The following ZNF532 variants were observed in gnomAD, a reference collection of about 807,000 sequenced individuals.
ZNF532 encodes zinc finger protein 532.
A neutral mutation model predicts 89.3 loss-of-function variants in ZNF532; 22 were observed. The observed-to-expected ratio is 0.25, with a 90% CI of 0.18 to 0.35. ZNF532 has a LOEUF of 0.35. Among genes scored for constraint, ZNF532 ranks in the 10% least tolerant of loss-of-function variants. The probability of loss-of-function intolerance (pLI) is 1.00; values close to 1 mark genes in which losing one functional copy is unlikely to be tolerated. For missense variants in ZNF532, 1,132 were observed against 1,643.4 expected (o/e 0.69, Z 5.38); for synonymous variants, 606 against 649.6 (o/e 0.93, Z 1.02).
At position 58,903,549 on chromosome 18, in the gene ZNF532, G is replaced by A. The variant is rs553652163; in HGVS notation, c.-17-14722G>A. 1.8e-3 allele frequency among the ~76,000 whole-genome samples: 268 copies of A among 152,278 alleles called. 1 individual carries two copies. Among genetic ancestry groups the A allele is most frequent in the Non-Finnish European group, 2.3e-3 (158 of 68,024 alleles). On this transcript the variant is annotated intron_variant, in intron 2 of 9. Transcript: ENST00000591808. ...AGATGGTCAAAATAGAGGACCGACA[G>A]CGATTATAAAGAGAATGAGGGCGCA...
intron 4 of ZNF532, 49 bp downstream of exon 4, chr18:58,934,663 C>T (rs367613308): frequency 3.2e-6 from 5 of 1,557,794 alleles, no homozygotes; most frequent in Non-Finnish European, 2.6e-6. Flanking sequence ...TCACTTACAA[C>T]CGCACAGCAT....
intron 2 of ZNF532, among the ~76,000 whole-genome samples, chr18:58,869,704 T>C (rs1442080778): frequency 1.3e-5 from 2 of 151,694 alleles, no homozygotes; most frequent in East Asian, 3.9e-4. Flanking sequence ...CAATATTCAG[T>C]GAAAGCAGTG....
At chr18:58,942,153 G>C (rs887284279) in intron 5 of ZNF532, among the ~76,000 whole-genome samples, 2 of 151,048 alleles carry the variant, frequency 1.3e-5, no homozygotes, top group Non-Finnish European at 2.9e-5. Context: ...CTCCTGAGTA[G>C]CTGGGACTAC....
intron 7 of ZNF532, among the ~76,000 whole-genome samples, chr18:58,956,634 G>GCTCGCCTATATCTTTCCTTCCCATTTACC (rs2064806351): frequency 6.6e-6 from 1 of 152,160 alleles, no homozygotes; most frequent in Non-Finnish European, 1.5e-5. Flanking sequence ...CGAGCACCTT[G>GCTCGCCTATATCTTTCCTTCCCATTTACC]CTGTCTATAT....
intron 2 of ZNF532, among the ~76,000 whole-genome samples, chr18:58,894,270 G>C (rs553083396): frequency 1.3e-5 from 2 of 152,068 alleles, no homozygotes; most frequent in African/African-American, 4.8e-5. Context: ...TTTGAGACCA[G>C]CCCGGCTAAC....
chr18:58,930,572 G>A (rs1199935617), intron 3 of ZNF532, among the ~76,000 whole-genome samples: 2 of 148,336 alleles, frequency 1.3e-5, no homozygotes, highest in African/African-American at 5.0e-5. Context: ...AGGTTGCAGT[G>A]AGCTGAGATT....
intron 2 of ZNF532, among the ~76,000 whole-genome samples, chr18:58,871,678 G>A (rs1568207137): frequency 6.6e-6 from 1 of 152,236 alleles, no homozygotes; most frequent in East Asian, 1.9e-4. Context: ...GGTGATAGCT[G>A]ATGACTGCCA....
chr18:58,899,798 A>C (rs372835150), intron 2 of ZNF532, among the ~76,000 whole-genome samples: 5 of 152,206 alleles, frequency 3.3e-5, no homozygotes, highest in African/African-American at 9.7e-5. Context: ...ATGTTGGACC[A>C]GCTGTATTGA....
chr18:58,984,390 C>T lies in ZNF532; in HGVS notation c.3830C>T (p.Ala1277Val). 6.2e-7 allele frequency: 1 copy of T among 1,612,014 alleles called. No individual in the cohort carries two copies. Residue 1277 changes from alanine (A) to valine (V), a missense_variant, in exon 10 of 10, where the codon GCT becomes GTT. Transcript: ENST00000591808. The part of the protein sequence containing the change: ...KVCAKTFETE[A>V]ALNTHMRTHG... ...TGCGCAAAAACTTTTGAAACTGAAG[C>T]TGCCTTAAATACTCACATGCGGACA...
chr18:58,942,344 TCCCTC>T lies in ZNF532; in HGVS notation c.2705+2726_2705+2730del, dbSNP rs1568383126. Among the ~76,000 whole-genome samples the T allele has an allele frequency of 3.5e-4, 14 of 39,564 alleles. 1 individual carries two copies. The highest frequency in any genetic ancestry group is 2.3e-3 in the South Asian group (2 of 852). 26.0% of individuals were successfully genotyped at this position (39,564 alleles called of 152,430 possible). A position where few individuals can be genotyped will look rare whatever the true frequency, so the allele number is the denominator to read the frequency against. ...GCCCCTCCCTCCCTCCCTCCCTCCC[TCCCTC>T]CCTTCCTTCCTTCCTTCCTTCCTTC... On this transcript the variant is annotated intron_variant, in intron 5 of 9. Coordinates refer to ENST00000591808, the MANE Select transcript of ZNF532 (RefSeq NM_001375912.1).
At chr18:58,929,702 A>G (rs759361669) in intron 3 of ZNF532, among the ~76,000 whole-genome samples, 1 of 152,132 alleles carries the variant, frequency 6.6e-6, no homozygotes, top group East Asian at 1.9e-4. Flanking sequence ...CTTATTAGGG[A>G]TTTTTTTGCG....
chr18:58,972,319 C>T (rs1365387496), intron 7 of ZNF532, among the ~76,000 whole-genome samples: 2 of 152,186 alleles, frequency 1.3e-5, no homozygotes, highest in Non-Finnish European at 2.9e-5. Flanking sequence ...TATAAATACA[C>T]ATCAGTGTGT....
At chr18:58,868,843 C>G (rs1238961553) in intron 2 of ZNF532, among the ~76,000 whole-genome samples, 1 of 152,174 alleles carries the variant, frequency 6.6e-6, no homozygotes, top group Non-Finnish European at 1.5e-5. Context: ...AGAAATGTAT[C>G]ATTAGACAGT....
intron 9 of ZNF532, 124 bp downstream of exon 9, chr18:58,981,741 G>A (rs906911291): frequency 1.7e-5 from 22 of 1,294,404 alleles, no homozygotes; most frequent in Middle Eastern, 1.9e-4. Context: ...GGCTGGGTGC[G>A]GTGGCTCATG....
intron 7 of ZNF532, among the ~76,000 whole-genome samples, chr18:58,970,613 C>T (rs1442825429): frequency 6.6e-6 from 1 of 152,244 alleles, no homozygotes; most frequent in Non-Finnish European, 1.5e-5. Flanking sequence ...GGGCGTCAGT[C>T]ATTGTGAAGG....
intron 2 of ZNF532, among the ~76,000 whole-genome samples, chr18:58,888,841 TTATATATA>T: frequency 2.6e-5 from 1 of 38,838 alleles, no homozygotes; most frequent in East Asian, 9.7e-4. Context: ...TATATATAAT[TTATATATA>T]TATAATTTAT....
intron 2 of ZNF532, among the ~76,000 whole-genome samples, chr18:58,881,980 C>T (rs1482319358): frequency 6.6e-6 from 1 of 152,052 alleles, no homozygotes; most frequent in Admixed American, 6.6e-5. Context: ...TTTTTTGAGA[C>T]AGGGTCTTGC....
chr18:58,956,126 G>C (rs1020769341), intron 7 of ZNF532, among the ~76,000 whole-genome samples: 1 of 152,186 alleles, frequency 6.6e-6, no homozygotes, highest in Non-Finnish European at 1.5e-5. Context: ...GGAGGAGATG[G>C]TTTCAAAAAG....
chr18:58,892,681 A>C (rs2058980497), intron 2 of ZNF532, among the ~76,000 whole-genome samples: 2 of 152,264 alleles, frequency 1.3e-5, no homozygotes, highest in Non-Finnish European at 2.9e-5. Context: ...CTACTTTGGC[A>C]TTCAAGTTTG....
Sources: gnomAD v4.1 joint callset for allele counts (sites outside exome capture counted in the v4.1 genomes callset) on GRCh38, gnomAD v4.1.1 for gene constraint, MANE v1.5 for transcripts, NCBI Gene and HGNC (gene_info 2026-07-23, HGNC 2026-07-21) for gene names.